Variants in ZNF614 observed in about 807,000 individuals in gnomAD.
ZNF614 encodes the protein zinc finger protein 614.
ZNF614 carries 11 observed loss-of-function variants against 12.8 expected under a neutral mutation model. The ratio of observed to expected loss-of-function variants is 0.86; its 90% CI spans 0.54 to 1.43. ZNF614 has a LOEUF of 1.43. Among genes scored for constraint, ZNF614 ranks in the 40% most tolerant of loss-of-function variants. ZNF614 has a pLI of 0.00. For synonymous variants in ZNF614, 237 were observed against 237.5 expected (o/e 1.00, Z 0.02); for missense variants, 664 against 708.8 (o/e 0.94, Z 0.72).
intron 4 of ZNF614, 53 bp from the exon 5 acceptor site, chr19:52,017,412 A>G: frequency 1.3e-6 from 2 of 1,518,330 alleles, no homozygotes; most frequent in Non-Finnish European, 1.8e-6. Context: ...TGAGATAAAA[A>G]TGCTTATGAG....
rs756092215 is a variant in ZNF614, at chr19:52,016,349, G to A, written c.1249C>T (p.His417Tyr). The part of the protein sequence containing the change: ...GFTVKRTLVI[H>Y]QRTHTGEKSY... The stretch of plus-strand genomic sequence containing the variant: ...TTCTCTCCTGTATGAGTTCGCTGAT[G>A]TATAACGAGAGTGCGTTTGACAGTG... The change falls in exon 5 of 5, where the codon CAT becomes TAT. Residue 417 changes from histidine to tyrosine, a missense_variant. His to Tyr is a moderately conservative substitution (Grantham distance 83). Transcript: ENST00000270649. The A allele has an allele frequency of 6.2e-7, 1 of 1,610,778 alleles. No homozygotes were observed. Among genetic ancestry groups the A allele is most frequent in the African/African-American group, 1.3e-5 (1 of 74,924 alleles).
At position 52,017,002 on chromosome 19, in the gene ZNF614, T is replaced by G; in HGVS notation, c.596A>C (p.Gln199Pro). Residue 199 changes from glutamine (Q) to proline (P), a missense_variant, in exon 5 of 5, where the codon CAG (glutamine) becomes CCG (proline). By Grantham distance (76) the Gln-to-Pro change is moderately conservative. Coordinates refer to ENST00000270649, the MANE Select transcript of ZNF614 (RefSeq NM_025040.4). Reference sequence around the variant, plus strand: ...GCATGCATGGGGTTTCTCAATTTTCTGAGTCCTCTGATGCTTGAAGACTTG... The same window carrying G: ...GCATGCATGGGGTTTCTCAATTTTCGGAGTCCTCTGATGCTTGAAGACTTG... Reference protein sequence around the residue: ...KFQVFKHQRTQKIEKPHACIE... With the variant: ...KFQVFKHQRTPKIEKPHACIE... 4.3e-6 allele frequency: 7 copies of G among 1,613,954 alleles called. No homozygotes were observed. The highest frequency in any genetic ancestry group is 1.7e-4 in the Middle Eastern group (1 of 6,060).
chr19:52,019,435 A>G (rs2123121927), intron 2 of ZNF614, among the ~76,000 whole-genome samples: 1 of 152,346 alleles, frequency 6.6e-6, no homozygotes, highest in South Asian at 2.1e-4. Context: ...AAAATATTTC[A>G]GAACTAAATA....
rs1268048497 is a variant in ZNF614, at chr19:52,016,161, T to C, written c.1437A>G (p.Gly479=). The C allele has an allele frequency of 6.2e-7, 1 of 1,614,088 alleles. No homozygotes were observed. Among genetic ancestry groups the C allele is most frequent in the Non-Finnish European group, 8.5e-7 (1 of 1,180,050 alleles). The change falls in exon 5 of 5, where the codon GGA becomes GGG. Residue 479 remains glycine (G), a synonymous_variant. Coordinates refer to ENST00000270649, the MANE Select transcript of ZNF614 (RefSeq NM_025040.4). ...CLIQHERCHT[G]KTPFVCTECG... ...ACTCGGTACATACAAAGGGAGTCTT[T>C]CCTGTATGACATCTCTCATGTTGTA... is the stretch of plus-strand genomic sequence containing the variant.
intron 1 of ZNF614, among the ~76,000 whole-genome samples, chr19:52,027,727 G>A (rs979773830): frequency 1.3e-5 from 2 of 152,078 alleles, no homozygotes; most frequent in Non-Finnish European, 1.5e-5. Flanking sequence ...ATTTAAAAAC[G>A]TATGAAGCAA....
chr19:52,015,247 G>C lies in ZNF614; in HGVS notation c.*593C>G, dbSNP rs758550480. The stretch of plus-strand genomic sequence containing the variant: ...TCCACATTTATTTGATAGCATGTTC[G>C]GAACAATTTTACTTTCTATGTGATC... On this transcript the variant is annotated 3_prime_UTR_variant, in exon 5 of 5. Transcript: ENST00000270649. 6.6e-6 allele frequency: 1 copy of C among 152,196 alleles called. No individual in the cohort carries two copies. The highest frequency in any genetic ancestry group is 1.5e-5 in the Non-Finnish European group (1 of 68,092). 9.4% of individuals were successfully genotyped at this position (152,196 alleles called of 1,614,324 possible).
chr19:52,024,079 T>C (rs1171205446), intron 2 of ZNF614, among the ~76,000 whole-genome samples: 3 of 151,874 alleles, frequency 2.0e-5, no homozygotes, highest in South Asian at 2.1e-4. Flanking sequence ...CCTGGGAGGG[T>C]AGAATACCCA....
chr19:52,015,772 G>C lies in ZNF614; in HGVS notation c.*68C>G. The C allele has an allele frequency of 7.1e-7, 1 of 1,408,210 alleles. No homozygotes were observed. The highest frequency in any genetic ancestry group is 1.4e-5 in the South Asian group (1 of 72,662). 87.2% of individuals were successfully genotyped at this position (1,408,210 alleles called of 1,614,324 possible). ...GGCTAGAAACACACTGATGTTTAATGAAGTCTGAGTTGCCACAAAAGGCAT... is the reference window on the plus strand; with the variant it reads ...GGCTAGAAACACACTGATGTTTAATCAAGTCTGAGTTGCCACAAAAGGCAT... On this transcript the variant is annotated 3_prime_UTR_variant, in exon 5 of 5. Coordinates refer to ENST00000270649, the MANE Select transcript of ZNF614 (RefSeq NM_025040.4).
At chr19:52,024,330 G>A (rs1041982016) in intron 2 of ZNF614, among the ~76,000 whole-genome samples, 3 of 152,140 alleles carry the variant, frequency 2.0e-5, no homozygotes. Flanking sequence ...GCACTTTTCA[G>A]GGGGGCAGTA....
chr19:52,018,423 C>T lies in ZNF614; in HGVS notation c.87G>A (p.Gln29=). The T allele has an allele frequency of 6.2e-7, 1 of 1,614,178 alleles. No individual in the cohort carries two copies. The highest frequency in any genetic ancestry group is 8.5e-7 in the Non-Finnish European group (1 of 1,180,012). Residue 29 remains glutamine (Q), a synonymous_variant, in exon 3 of 5, where the codon CAG becomes CAA. Coordinates refer to ENST00000270649, the MANE Select transcript of ZNF614 (RefSeq NM_025040.4). ...CCATCACATCCCGGTACAGGTTCTTCTGAGCAGTGTCCAGGAGCTGCCACT... is the reference window on the plus strand; with the variant it reads ...CCATCACATCCCGGTACAGGTTCTTTTGAGCAGTGTCCAGGAGCTGCCACT... The part of the protein sequence containing the change: ...WEEWQLLDTA[Q]KNLYRDVMVE...
In ZNF614 at chr19:52,018,112, G is replaced by A. The variant is rs1411156103; in HGVS notation, c.143-9C>T. The A allele has an allele frequency of 3.1e-6, 5 of 1,611,264 alleles. No homozygotes were observed. Among genetic ancestry groups the A allele is most frequent in the Non-Finnish European group, 4.2e-6 (5 of 1,177,692 alleles). ...TTTGCTAGTTTGATACCCTGTTCATGAGGAAAGACAAACACAAACATCCTG... is the reference window on the plus strand; with the variant it reads ...TTTGCTAGTTTGATACCCTGTTCATAAGGAAAGACAAACACAAACATCCTG... On this transcript the variant is annotated splice_polypyrimidine_tract_variant and intron_variant, in intron 3 of 4. Coordinates refer to ENST00000270649, the MANE Select transcript of ZNF614 (RefSeq NM_025040.4).
chr19:52,025,752 C>T lies in ZNF614; in HGVS notation c.-7G>A, dbSNP rs1189346090. Reference sequence around the variant, plus strand: ...TCACCTGGGTCTTGATCATTTTCTTCTGTGCTCAGAAAATAGTGGATAACA... The same window carrying T: ...TCACCTGGGTCTTGATCATTTTCTTTTGTGCTCAGAAAATAGTGGATAACA... On this transcript the variant is annotated 5_prime_UTR_variant, in exon 2 of 5. Coordinates refer to ENST00000270649, the MANE Select transcript of ZNF614 (RefSeq NM_025040.4). The T allele has an allele frequency of 6.2e-7, 1 of 1,613,952 alleles. No individual in the cohort carries two copies. Among genetic ancestry groups the T allele is most frequent in the East Asian group, 2.2e-5 (1 of 44,864 alleles).
At chr19:52,026,947 T>C (rs933294562) in intron 1 of ZNF614, among the ~76,000 whole-genome samples, 1 of 152,182 alleles carries the variant, frequency 6.6e-6, no homozygotes, top group Non-Finnish European at 1.5e-5. Flanking sequence ...CACTATTACC[T>C]TATTGTCCTG....
Position 52,025,889 on chromosome 19 carries a change from G to T in ZNF614, c.-144C>A. On this transcript the variant is annotated 5_prime_UTR_variant, in exon 2 of 5. Coordinates refer to ENST00000270649, the MANE Select transcript of ZNF614 (RefSeq NM_025040.4). ...GTCCCCAGAAATTATGATATCCAAG[G>T]CCAGCAACCTCCTTCTTCTTCCTTC... 1 of 811,940 alleles carries T rather than the reference G, an allele frequency of 1.2e-6. No individual in the cohort carries two copies. 50.3% of individuals were successfully genotyped at this position (811,940 alleles called of 1,614,324 possible).
intron 1 of ZNF614, among the ~76,000 whole-genome samples, chr19:52,027,545 T>C (rs2086983291): frequency 6.6e-6 from 1 of 152,204 alleles, no homozygotes; most frequent in African/African-American, 2.4e-5. Flanking sequence ...TGGTATTAGT[T>C]TGATATCTGG....
intron 2 of ZNF614, among the ~76,000 whole-genome samples, chr19:52,024,426 T>C (rs951645741): frequency 5.3e-5 from 8 of 152,156 alleles, no homozygotes; most frequent in South Asian, 2.1e-4. Flanking sequence ...GAATACCTAA[T>C]AGGTATGGAG....
chr19:52,022,866 G>A (rs1218551825), intron 2 of ZNF614, among the ~76,000 whole-genome samples: 2 of 151,854 alleles, frequency 1.3e-5, no homozygotes, highest in Non-Finnish European at 2.9e-5. Context: ...TCCTCTCTGC[G>A]TGTGGCATCC....
chr19:52,021,985 G>A (rs2086935486), intron 2 of ZNF614, among the ~76,000 whole-genome samples: 1 of 152,002 alleles, frequency 6.6e-6, no homozygotes, highest in Non-Finnish European at 1.5e-5. Context: ...ATAATCCAAA[G>A]AAACAACAAA....
At position 52,016,082 on chromosome 19, in the gene ZNF614, T is replaced by C. The variant is rs762646626; in HGVS notation, c.1516A>G (p.Thr506Ala). ...YGLITHQRIH[T>A]GEKPYECNEC... ...TTGCACTCATAAGGTTTCTCTCCTGTGTGAATTCTCTGATGGGTAATGAGG... is the reference window on the plus strand; with the variant it reads ...TTGCACTCATAAGGTTTCTCTCCTGCGTGAATTCTCTGATGGGTAATGAGG... Residue 506 changes from threonine (T) to alanine (A), a missense_variant, in exon 5 of 5, where the codon ACA (threonine) becomes GCA (alanine). By Grantham distance (58) the Thr-to-Ala change is moderately conservative. Coordinates refer to ENST00000270649, the MANE Select transcript of ZNF614 (RefSeq NM_025040.4). The C allele has an allele frequency of 6.2e-7, 1 of 1,614,198 alleles. No homozygotes were observed. The highest frequency in any genetic ancestry group is 2.2e-5 in the East Asian group (1 of 44,882).
Sources: allele counts gnomAD v4.1 joint callset (sites outside exome capture counted in the v4.1 genomes callset), GRCh38; gene constraint gnomAD v4.1.1; transcripts MANE v1.5; gene names NCBI Gene and HGNC (gene_info 2026-07-23, HGNC 2026-07-21).